TAFA1: variants seen among roughly 807,000 people sequenced by gnomAD.
The protein encoded by TAFA1 is chemokine-like protein TAFA-1.
A neutral mutation model predicts 18.5 loss-of-function variants in TAFA1; 4 were observed. The observed-to-expected ratio is 0.22, with a 90% CI of 0.11 to 0.49. The LOEUF is 0.49. TAFA1 is among the 20% of genes least tolerant of loss of function. The pLI is 0.98. For missense variants in TAFA1, 147 were observed against 169.0 expected, an observed-to-expected ratio of 0.87 and a Z score of 0.72; for synonymous variants, 56 against 55.2, an observed-to-expected ratio of 1.01 and a Z score of -0.06.
At chr3:68,140,549 T>C (rs1452174395) in intron 2 of TAFA1, among the ~76,000 whole-genome samples, 1 of 152,204 alleles carries the variant, frequency 6.6e-6, no homozygotes, top group Non-Finnish European at 1.5e-5. Flanking sequence ...GTGCCTACCC[T>C]GCATGAGTCC....
At chr3:68,541,733 A>G (rs956942287) in intron 4 of TAFA1, among the ~76,000 whole-genome samples, 94 of 152,284 alleles carry the variant, frequency 6.2e-4, no homozygotes, top group African/African-American at 2.1e-3. Flanking sequence ...CTGTTATTTT[A>G]AAAGTAACTT....
intron 3 of TAFA1, among the ~76,000 whole-genome samples, chr3:68,519,530 T>G (rs1174369188): frequency 2.0e-5 from 3 of 152,248 alleles, no homozygotes; most frequent in Admixed American, 2.0e-4. Flanking sequence ...TTCATATGTA[T>G]GTGCTATAGG....
In TAFA1 at chr3:68,264,855, T is replaced by G. The variant is rs918280583; in HGVS notation, c.119-152425T>G. Among the ~76,000 whole-genome samples, 6 of 152,252 alleles carry G rather than the reference T, an allele frequency of 3.9e-5. No individual in the cohort carries two copies. In the East Asian group the frequency reaches 1.2e-3, roughly 29 times the overall value. ...TGTTTATTTCAAGACCTTCACAATT[T>G]GAGCAATTTAGTGTTGCATCTGAGA... On this transcript the variant is annotated intron_variant, in intron 2 of 4. Coordinates refer to ENST00000478136, the MANE Select transcript of TAFA1 (RefSeq NM_213609.4).
chr3:68,476,193 T>C (rs989885967), intron 3 of TAFA1, among the ~76,000 whole-genome samples: 1 of 152,168 alleles, frequency 6.6e-6, no homozygotes, highest in Non-Finnish European at 1.5e-5. Context: ...CTAAAGAGCT[T>C]CTGCACAGCA....
At chr3:68,332,521 G>A (rs916258058) in intron 2 of TAFA1, among the ~76,000 whole-genome samples, 7 of 152,164 alleles carry the variant, frequency 4.6e-5, no homozygotes, top group Non-Finnish European at 7.4e-5. Flanking sequence ...ATTGGACAAG[G>A]AGTTAATATT....
chr3:68,102,999 C>G (rs76159090), intron 2 of TAFA1, among the ~76,000 whole-genome samples: 2,529 of 152,218 alleles, frequency 0.017, 71 homozygotes, highest in African/African-American at 0.058. Flanking sequence ...TTTCTTTCTT[C>G]CCTGAGTTTA....
At chr3:68,518,624 T>G (rs1241290236) in intron 3 of TAFA1, among the ~76,000 whole-genome samples, 1 of 152,220 alleles carries the variant, frequency 6.6e-6, no homozygotes, top group Non-Finnish European at 1.5e-5. Context: ...AGCACTTACT[T>G]TGAACTAGGC....
At chr3:68,129,374 C>T (rs1360336709) in intron 2 of TAFA1, among the ~76,000 whole-genome samples, 1 of 152,196 alleles carries the variant, frequency 6.6e-6, no homozygotes, top group African/African-American at 2.4e-5. Context: ...GAGAAGTACA[C>T]TTTTTGGTTA....
At chr3:68,218,157 C>T (rs1253085766) in intron 2 of TAFA1, among the ~76,000 whole-genome samples, 2 of 152,034 alleles carry the variant, frequency 1.3e-5, no homozygotes, top group Admixed American at 1.3e-4. Context: ...ATTCCAGCCT[C>T]TCAGGTCACA....
At chr3:68,130,762 C>G (rs2065525861) in intron 2 of TAFA1, among the ~76,000 whole-genome samples, 1 of 152,182 alleles carries the variant, frequency 6.6e-6, no homozygotes, top group Admixed American at 6.5e-5. Context: ...ACCTCTGGAT[C>G]CATCTGCCTG....
chr3:68,528,010 T>C (rs377433355), intron 3 of TAFA1, among the ~76,000 whole-genome samples: 1 of 152,162 alleles, frequency 6.6e-6, no homozygotes, highest in East Asian at 1.9e-4. Context: ...GTCTTTGAAA[T>C]ATAATGTAGA....
At chr3:67,997,508 T>C in the TAFA1 span, among the ~76,000 whole-genome samples, 3 of 152,214 alleles carry the variant, frequency 2.0e-5, no homozygotes, top group Non-Finnish European at 4.4e-5. Flanking sequence ...GATTAAAATA[T>C]ATATATTGCT....
intron 2 of TAFA1, among the ~76,000 whole-genome samples, chr3:68,314,873 T>C (rs2068581964): frequency 6.6e-6 from 1 of 150,854 alleles, no homozygotes; most frequent in Non-Finnish European, 1.5e-5. Flanking sequence ...ACCATAGTTA[T>C]TCTTCGGTCA....
chr3:68,306,695 C>G (rs1304329539), intron 2 of TAFA1, among the ~76,000 whole-genome samples: 1 of 152,098 alleles, frequency 6.6e-6, no homozygotes, highest in African/African-American at 2.4e-5. Context: ...CAACTACAGT[C>G]ATTTGTCTCT....
At chr3:68,391,669 A>G (rs1166655227) in intron 2 of TAFA1, among the ~76,000 whole-genome samples, 4 of 152,242 alleles carry the variant, frequency 2.6e-5, no homozygotes, top group Non-Finnish European at 4.4e-5. Flanking sequence ...CTCTCTGCAG[A>G]AACCCTATAA....
At position 68,420,887 on chromosome 3, in the gene TAFA1, T is replaced by C. The variant is rs1462590499; in HGVS notation, c.259+3467T>C. The stretch of plus-strand genomic sequence containing the variant: ...CAGGGAAGGCAGGCAGTTAGATGAG[T>C]AAAGCTATTTCCCTCTCTCTTAAAG... On this transcript the variant is annotated intron_variant, in intron 3 of 4. Transcript: ENST00000478136. Among the ~76,000 whole-genome samples, 3 of 152,268 alleles carry C rather than the reference T, an allele frequency of 2.0e-5. No homozygotes were observed. The East Asian group carries it at 5.8e-4, about 29-fold the overall frequency.
At chr3:68,384,570 G>C (rs949816556) in intron 2 of TAFA1, among the ~76,000 whole-genome samples, 3 of 152,070 alleles carry the variant, frequency 2.0e-5, no homozygotes, top group Admixed American at 1.3e-4. Context: ...TTGCTGAAAA[G>C]TGTTTTACTT....
intron 2 of TAFA1, among the ~76,000 whole-genome samples, chr3:68,261,345 A>C (rs1427146524): frequency 6.6e-6 from 1 of 152,184 alleles, no homozygotes; most frequent in Non-Finnish European, 1.5e-5. Context: ...ACCCTTGTGG[A>C]AGTCAGTGTG....
At chr3:68,417,175 T>C (rs372352033) in intron 2 of TAFA1, 105 bp from the exon 3 acceptor site, 1 of 840,376 alleles carries the variant, frequency 1.2e-6, no homozygotes, top group African/African-American at 1.7e-5. Flanking sequence ...AAACTGTTTC[T>C]ATAATTTCAA....
Sources: gnomAD v4.1 joint callset for allele counts (sites outside exome capture counted in the v4.1 genomes callset) on GRCh38, gnomAD v4.1.1 for gene constraint, MANE v1.5 for transcripts, NCBI Gene and HGNC (gene_info 2026-07-23, HGNC 2026-07-21) for gene names.